Variants in SDK1 observed in about 807,000 individuals in gnomAD.
SDK1 encodes the protein protein sidekick-1.
A neutral mutation model predicts 245.5 loss-of-function variants in SDK1; 157 were observed. The ratio of observed to expected loss-of-function variants is 0.64; its 90% CI spans 0.56 to 0.73. The LOEUF is 0.73. Ranked by LOEUF, SDK1 falls within the 30% of genes least tolerant of loss-of-function variation. The pLI is 0.00. For synonymous variants in SDK1, 1,647 were observed against 1,278.5 expected, an observed-to-expected ratio of 1.29 and a Z score of -6.15; for missense variants, 3,583 against 3,002.3, an observed-to-expected ratio of 1.19 and a Z score of -4.52.
chr7:4,022,955 T>C (rs1406740424), intron 17 of SDK1, among the ~76,000 whole-genome samples: 3 of 151,856 alleles, frequency 2.0e-5, no homozygotes, highest in Non-Finnish European at 2.9e-5. Flanking sequence ...TTTTGTATTT[T>C]ATTAGAGACG....
intron 1 of SDK1, among the ~76,000 whole-genome samples, chr7:3,459,455 G>C (rs1210180450): frequency 6.6e-6 from 1 of 152,194 alleles, no homozygotes; most frequent in East Asian, 1.9e-4. Flanking sequence ...GTGCCATGAA[G>C]AACCCAGTTT....
intron 1 of SDK1, among the ~76,000 whole-genome samples, chr7:3,493,088 C>T (rs1391927917): frequency 6.6e-6 from 1 of 152,088 alleles, no homozygotes; most frequent in Admixed American, 6.5e-5. Context: ...GTAGCTGGGA[C>T]TACAGGTGCC....
intron 4 of SDK1, among the ~76,000 whole-genome samples, chr7:3,686,068 C>G (rs931486407): frequency 1.0e-5 from 1 of 97,834 alleles, no homozygotes; most frequent in Non-Finnish European, 3.2e-5. Flanking sequence ...ACATATGAGG[C>G]AAACTTTTTT....
intron 1 of SDK1, among the ~76,000 whole-genome samples, chr7:3,602,229 T>G (rs1299446403): frequency 5.3e-5 from 8 of 151,572 alleles, no homozygotes. Flanking sequence ...TATTTCTAGT[T>G]CTAGATCCCT....
chr7:3,594,630 C>T (rs57125879), intron 1 of SDK1, among the ~76,000 whole-genome samples: 22,302 of 152,128 alleles, frequency 0.15, 2,699 homozygotes, highest in East Asian at 0.34. Flanking sequence ...ATTCTAGTCA[C>T]TTTACTGGGT....
intron 4 of SDK1, among the ~76,000 whole-genome samples, chr7:3,745,657 C>G (rs554617224): frequency 6.6e-6 from 1 of 152,098 alleles, no homozygotes; most frequent in African/African-American, 2.4e-5. Flanking sequence ...GGAACTCCCT[C>G]GAGCGACCCC....
chr7:3,494,323 A>T (rs868634489), intron 1 of SDK1, among the ~76,000 whole-genome samples: 3 of 152,348 alleles, frequency 2.0e-5, no homozygotes, highest in South Asian at 2.1e-4. Context: ...ATTAGAAATG[A>T]TACGGGTATC....
intron 22 of SDK1, among the ~76,000 whole-genome samples, chr7:4,091,880 GTTC>G (rs1199651676): frequency 6.6e-6 from 1 of 152,094 alleles, no homozygotes; most frequent in Non-Finnish European, 1.5e-5. Flanking sequence ...CTGGCCACAC[GTTC>G]TTCTGGGGAA....
intron 5 of SDK1, among the ~76,000 whole-genome samples, chr7:3,864,311 T>A (rs763753588): frequency 2.6e-5 from 4 of 152,190 alleles, no homozygotes; most frequent in Non-Finnish European, 5.9e-5. Flanking sequence ...GTTTTTATAG[T>A]CAATCATTTT....
intron 5 of SDK1, among the ~76,000 whole-genome samples, chr7:3,826,189 A>G (rs1779770075): frequency 6.6e-6 from 1 of 152,208 alleles, no homozygotes; most frequent in Non-Finnish European, 1.5e-5. Flanking sequence ...CACCATCAGG[A>G]AACAAGCCTT....
chr7:3,531,788 A>G (rs79292689), intron 1 of SDK1, among the ~76,000 whole-genome samples: 3,096 of 152,358 alleles, frequency 0.02, 38 homozygotes, highest in Non-Finnish European at 0.036. Context: ...TATCTGAACA[A>G]TGTAAAGTGT....
intron 1 of SDK1, among the ~76,000 whole-genome samples, chr7:3,327,972 A>G (rs1351810589): frequency 6.6e-6 from 1 of 152,098 alleles, no homozygotes; most frequent in Non-Finnish European, 1.5e-5. Flanking sequence ...CATGTGTAAA[A>G]AGGGAATGAT....
chr7:3,555,523 C>T (rs976425456), intron 1 of SDK1, among the ~76,000 whole-genome samples: 2 of 152,114 alleles, frequency 1.3e-5, no homozygotes, highest in African/African-American at 4.8e-5. Flanking sequence ...GTAAGGATTT[C>T]TTGAGTAATA....
At chr7:3,755,820 C>G (rs757403384) in intron 4 of SDK1, among the ~76,000 whole-genome samples, 8 of 152,140 alleles carry the variant, frequency 5.3e-5, no homozygotes, top group Non-Finnish European at 1.2e-4. Context: ...CTGACACATG[C>G]ATGTTGTTGC....
chr7:3,954,058 G>A (rs962790526), intron 7 of SDK1, among the ~76,000 whole-genome samples: 1 of 152,112 alleles, frequency 6.6e-6, no homozygotes, highest in Non-Finnish European at 1.5e-5. Context: ...GAAACAAATG[G>A]GCTCCTATTA....
At chr7:4,222,270 T>C (rs1171966187) in intron 40 of SDK1, among the ~76,000 whole-genome samples, 1 of 152,178 alleles carries the variant, frequency 6.6e-6, no homozygotes, top group Non-Finnish European at 1.5e-5. Context: ...GAAAGATTAT[T>C]AGTTACAAGT....
intron 4 of SDK1, among the ~76,000 whole-genome samples, chr7:3,772,148 T>C (rs1780422711): frequency 6.6e-6 from 1 of 152,204 alleles, no homozygotes; most frequent in African/African-American, 2.4e-5. Context: ...GTTGCTATTC[T>C]TTTTCCTATA....
At chr7:3,407,105 A>G (rs1779075448) in intron 1 of SDK1, among the ~76,000 whole-genome samples, 1 of 152,156 alleles carries the variant, frequency 6.6e-6, no homozygotes, top group South Asian at 2.1e-4. Context: ...ACAAACAAAT[A>G]ACAGAGACAA....
rs28656426 is a variant in SDK1 at position 3,869,362 on chromosome 7, G to A, written c.847+47779G>A. Among the ~76,000 whole-genome samples, 1,254 of 152,076 alleles carry A rather than the reference G, an allele frequency of 8.2e-3. 21 individuals are homozygous for A. The highest frequency in any genetic ancestry group is 0.029 in the African/African-American group (1,183 of 41,464). ...GTGGAGACGGGGTTTCACCATGTTA[G>A]CCAGGCTGGTCTCAAACTCCTGGCC... is the stretch of plus-strand genomic sequence containing the variant. On this transcript the variant is annotated intron_variant, in intron 5 of 44. Transcript: ENST00000404826.
Sources: allele counts gnomAD v4.1 joint callset (sites outside exome capture counted in the v4.1 genomes callset), GRCh38; gene constraint gnomAD v4.1.1; transcripts MANE v1.5; gene names NCBI Gene and HGNC (gene_info 2026-07-23, HGNC 2026-07-21).